The following MTCH1 variants were observed in gnomAD, a reference collection of about 807,000 sequenced individuals.
MTCH1 encodes mitochondrial carrier 1.
A neutral mutation model predicts 49.3 loss-of-function variants in MTCH1; 23 were observed. The ratio of observed to expected loss-of-function variants is 0.47; its 90% confidence interval spans 0.34 to 0.66. MTCH1 has a LOEUF of 0.66. Among genes scored for constraint, MTCH1 ranks in the 30% least tolerant of loss-of-function variants. The probability of loss-of-function intolerance (pLI) is 0.01; values close to 1 mark genes in which losing one functional copy is unlikely to be tolerated. For synonymous variants in MTCH1, 229 were observed against 215.2 expected, an observed-to-expected ratio of 1.06 and a Z score of -0.56; for missense variants, 397 against 532.1, an observed-to-expected ratio of 0.75 and a Z score of 2.50.
chr6:36,970,765 T>G, intron 8 of MTCH1, 71 bp from the exon 9 acceptor site: 1 of 1,499,432 alleles, frequency 6.7e-7, no homozygotes, highest in Admixed American at 1.8e-5. Context: ...ACACATGCCC[T>G]CACCCCACCC....
chr6:36,985,003 A>C, intron 1 of MTCH1, among the ~76,000 whole-genome samples: 1 of 149,636 alleles, frequency 6.7e-6, no homozygotes, highest in Admixed American at 6.7e-5. Flanking sequence ...TTCCCCGCTT[A>C]AAGCCTCCTC....
chr6:36,986,297 G>C, upstream of MTCH1: 1 of 916,174 alleles, frequency 1.1e-6, no homozygotes, highest in Non-Finnish European at 1.5e-6. Context: ...TGGTGCGGCG[G>C]GTGGGACACG....
intron 3 of MTCH1, 34 bp downstream of exon 3, chr6:36,978,471 T>C: frequency 6.2e-7 from 1 of 1,603,740 alleles, no homozygotes; most frequent in Non-Finnish European, 8.5e-7. Flanking sequence ...TGAGGAAACC[T>C]CGGGCGACTG....
chr6:36,970,637 C>T lies in MTCH1; in HGVS notation c.954+10G>A. The T allele has an allele frequency of 1.2e-6, 2 of 1,614,216 alleles. No individual in the cohort carries two copies. The highest frequency in any genetic ancestry group is 2.2e-5 in the East Asian group (1 of 44,892). ...GGCAGTGGGAAGGAAGGACAGCTGG[C>T]ACAACTTACCCCCATCACGAACTTG... On this transcript the variant is annotated intron_variant, in intron 9 of 11. Transcript: ENST00000373627.
chr6:36,969,186 G>T, intron 11 of MTCH1: 1 of 985,390 alleles, frequency 1.0e-6, no homozygotes, highest in Non-Finnish European at 1.2e-6. Context: ...TGTCTTTGGG[G>T]CTACTCTGTA....
chr6:36,975,842 A>G, intron 6 of MTCH1, 125 bp from the exon 7 acceptor site: 1 of 795,496 alleles, frequency 1.3e-6, no homozygotes, highest in Non-Finnish European at 2.1e-6. Context: ...GATGGGGAGG[A>G]CTATTACCAT....
At chr6:36,983,899 G>T (rs528990245) in intron 1 of MTCH1, among the ~76,000 whole-genome samples, 32 of 152,048 alleles carry the variant, frequency 2.1e-4, no homozygotes, top group Non-Finnish European at 1.5e-4. Context: ...ACACCAGCTG[G>T]GTTCAAATCA....
Position 36,977,952 on chromosome 6 carries a change from AC to A in MTCH1, c.591+125del. ...CATCCAGGCCAGGGCTTCTTCCCTT[AC>A]CATCCCACCCATGCATACACAAGGA... On this transcript the variant is annotated intron_variant, in intron 4 of 11. Transcript: ENST00000373627. The surrounding 1 kb of genome is among the most constrained non-coding windows in gnomAD (Gnocchi z 5.4). 1 of 919,292 alleles carries A rather than the reference AC, an allele frequency of 1.1e-6. No individual in the cohort carries two copies. Among genetic ancestry groups the A allele is most frequent in the South Asian group, 1.5e-5 (1 of 67,268 alleles). 56.9% of individuals were successfully genotyped at this position (919,292 alleles called of 1,614,324 possible).
chr6:36,968,203 C>A lies in MTCH1; in HGVS notation c.*700G>T, dbSNP rs1304532900. 3 of 153,574 alleles carry A rather than the reference C, an allele frequency of 2.0e-5. No homozygotes were observed. The highest frequency in any genetic ancestry group is 1.3e-4 in the Admixed American group (2 of 15,554). 9.5% of individuals were successfully genotyped at this position (153,574 alleles called of 1,614,324 possible). A position where few individuals can be genotyped will look rare whatever the true frequency, so the allele number is the denominator to read the frequency against. On this transcript the variant is annotated 3_prime_UTR_variant, in exon 12 of 12. Coordinates refer to ENST00000373627, the MANE Select transcript of MTCH1 (RefSeq NM_001271641.2). ...TCAAATCTTACCATGAACTTTAAAA[C>A]TGGGTAGGACTAGAGACACTGATCT...
At chr6:36,971,131 CA>C (rs1289951487) in intron 8 of MTCH1, among the ~76,000 whole-genome samples, 1 of 152,180 alleles carries the variant, frequency 6.6e-6, no homozygotes, top group Non-Finnish European at 1.5e-5. Context: ...CTTCAGACCC[CA>C]ACTCCTCAAA....
rs1654814172 is a variant in MTCH1, at chr6:36,981,595, G to A, written c.399C>T (p.Phe133=). 6.2e-7 allele frequency: 1 copy of A among 1,613,846 alleles called. No homozygotes were observed. Residue 133 remains phenylalanine (F), a synonymous_variant, in exon 2 of 12, where the codon TTC becomes TTT. Transcript: ENST00000373627. ...GRKVLYLPSF[F]TYAKYIVQVD... Reference sequence around the variant, plus strand: ...CTTGGGAGGCACACTCACCGTAGGTGAAGAAGCTCGGCAGATAGAGGACCT... The same window carrying A: ...CTTGGGAGGCACACTCACCGTAGGTAAAGAAGCTCGGCAGATAGAGGACCT...
intron 7 of MTCH1, among the ~76,000 whole-genome samples, chr6:36,973,460 G>A (rs1231446443): frequency 1.3e-5 from 2 of 151,838 alleles, no homozygotes; most frequent in African/African-American, 4.8e-5. Context: ...CTCCTGGGAG[G>A]AGAAGCAGAA....
chr6:36,970,874 T>A, intron 8 of MTCH1, 180 bp from the exon 9 acceptor site: 1 of 708,056 alleles, frequency 1.4e-6, no homozygotes, highest in Non-Finnish European at 2.4e-6. Flanking sequence ...ACGGGGTAAG[T>A]GGACTGAAGG....
At chr6:36,985,799 C>A in intron 1 of MTCH1, 54 bp downstream of exon 1, 2 of 1,343,152 alleles carry the variant, frequency 1.5e-6, no homozygotes, top group Non-Finnish European at 2.0e-6. Context: ...CAAATCCTGG[C>A]CTGTCACCTT....
At position 36,968,886 on chromosome 6, in the gene MTCH1, T is replaced by G; in HGVS notation, c.*17A>C. ...CACGGTGGCCAGGTTGAGACCGTGTTTTTTAGATGATTCAGGTTACTCCAG... is the reference window on the plus strand; with the variant it reads ...CACGGTGGCCAGGTTGAGACCGTGTGTTTTAGATGATTCAGGTTACTCCAG... On this transcript the variant is annotated 3_prime_UTR_variant, in exon 12 of 12. Coordinates refer to ENST00000373627, the MANE Select transcript of MTCH1 (RefSeq NM_001271641.2). 2 of 1,613,802 alleles carry G rather than the reference T, an allele frequency of 1.2e-6. No homozygotes were observed. The highest frequency in any genetic ancestry group is 1.3e-5 in the African/African-American group (1 of 74,978).
intron 2 of MTCH1, among the ~76,000 whole-genome samples, chr6:36,978,875 C>CTTTTTTTTTTTTTTTTTTTTTTTT (rs11322816): frequency 1.0e-5 from 1 of 100,420 alleles, no homozygotes; most frequent in African/African-American, 4.4e-5. Context: ...TCCCTCCCTC[C>CTTTTTTTTTTTTTTTTTTTTTTTT]TTTTTTTTTT....
In MTCH1 at chr6:36,968,840, C is replaced by T; in HGVS notation, c.*63G>A. ...GGGTTGGAGTCGTCTTGCAGGTGTC[C>T]CAAGGTGGTCAGGCCTCACCCACGG... On this transcript the variant is annotated 3_prime_UTR_variant, in exon 12 of 12. Transcript: ENST00000373627. 6.2e-7 allele frequency: 1 copy of T among 1,611,150 alleles called. No individual in the cohort carries two copies. The highest frequency in any genetic ancestry group is 8.5e-7 in the Non-Finnish European group (1 of 1,178,016).
intron 7 of MTCH1, among the ~76,000 whole-genome samples, chr6:36,974,904 G>A (rs1763812793): frequency 6.6e-6 from 1 of 152,222 alleles, no homozygotes; most frequent in Non-Finnish European, 1.5e-5. Flanking sequence ...CAGCATGTAT[G>A]TCACTGCCTA....
At chr6:36,983,278 C>G (rs1764172295) in intron 1 of MTCH1, among the ~76,000 whole-genome samples, 1 of 152,176 alleles carries the variant, frequency 6.6e-6, no homozygotes, top group Non-Finnish European at 1.5e-5. Context: ...GGGTTAAAAG[C>G]TCCAAGGTTG....
Sources: gnomAD v4.1 joint callset for allele counts (sites outside exome capture counted in the v4.1 genomes callset) on GRCh38, gnomAD v4.1.1 for gene constraint, Gnocchi (gnomAD v3.1) non-coding constraint, MANE v1.5 for transcripts, NCBI Gene and HGNC (gene_info 2026-07-23, HGNC 2026-07-21) for gene names.